YJEFN3: variants seen among roughly 807,000 people sequenced by gnomAD.
YJEFN3 encodes YjeF N-terminal domain containing 3, also known as yjeF N-terminal domain-containing protein 3.
In YJEFN3, 29 loss-of-function variants were observed where a neutral mutation model predicts 31.5. That is an observed-to-expected ratio of 0.92 (90% CI 0.69 to 1.26). YJEFN3 has a LOEUF of 1.26. Among genes scored for constraint, YJEFN3 ranks in the 50% most tolerant of loss-of-function variants. The pLI is 0.00. For synonymous variants in YJEFN3, 227 were observed against 196.1 expected (o/e 1.16, Z -1.32); for missense variants, 442 against 425.4 (o/e 1.04, Z -0.34).
In YJEFN3 at chr19:19,535,692, G is replaced by C. The variant is rs1319180345; in HGVS notation, c.694+13G>C. 1.9e-6 allele frequency: 3 copies of C among 1,548,972 alleles called. No homozygotes were observed. The highest frequency in any genetic ancestry group is 2.6e-6 in the Non-Finnish European group (3 of 1,148,472). ...GACATCCCCTCAGGCATGCCAGGCA[G>C]AGGGGGGCACATTGGGGCCTGGGGG... On this transcript the variant is annotated intron_variant, in intron 6 of 6. Coordinates refer to ENST00000514277, the MANE Select transcript of YJEFN3 (RefSeq NM_198537.4).
intron 6 of YJEFN3, chr19:19,536,198 AG>A (rs1176421449): frequency 4.8e-6 from 1 of 209,680 alleles, no homozygotes; most frequent in Non-Finnish European, 9.5e-6. Context: ...GGCTCAGCCT[AG>A]GACAGAGAGG....
At chr19:19,536,052 G>A (rs931406958) in intron 6 of YJEFN3, 4 of 523,832 alleles carry the variant, frequency 7.6e-6, no homozygotes, top group Admixed American at 3.8e-5. Context: ...CTGGCCAGCC[G>A]GACCCTCCGT....
intron 1 of YJEFN3, 136 bp from the exon 2 acceptor site, chr19:19,529,228 C>T: frequency 2.1e-6 from 3 of 1,449,098 alleles, no homozygotes; most frequent in Non-Finnish European, 2.7e-6. Context: ...TGGCATCTTG[C>T]TGGAGACACT....
chr19:19,533,992 C>T (rs2061182883), intron 3 of YJEFN3: 2 of 985,608 alleles, frequency 2.0e-6, no homozygotes. Flanking sequence ...GGGGAGTAAT[C>T]TGCTGTCTGT....
intron 5 of YJEFN3, 26 bp from the exon 6 acceptor site, chr19:19,535,503 A>G (rs1600369379): frequency 6.2e-7 from 1 of 1,609,802 alleles, no homozygotes; most frequent in Non-Finnish European, 8.5e-7. Context: ...GCCCTGGGCC[A>G]CCCTGACCCT....
intron 6 of YJEFN3, chr19:19,536,190 C>A (rs961594185): frequency 3.2e-5 from 8 of 246,378 alleles, no homozygotes; most frequent in Admixed American, 5.1e-5. Context: ...AGGCTGCAGG[C>A]TCAGCCTAGG....
At chr19:19,533,503 C>A in intron 3 of YJEFN3, 1 of 842,270 alleles carries the variant, frequency 1.2e-6, no homozygotes, top group Non-Finnish European at 1.4e-6. Flanking sequence ...TCTCTCCCTC[C>A]TCCTCCCCTT....
intron 6 of YJEFN3, 118 bp downstream of exon 6, chr19:19,535,797 C>T: frequency 3.0e-6 from 4 of 1,323,318 alleles, no homozygotes; most frequent in Non-Finnish European, 4.2e-6. Context: ...TTGGATGGAC[C>T]CACACTTGGC....
At chr19:19,535,704 T>C (rs1343371841) in intron 6 of YJEFN3, 25 bp downstream of exon 6, 3 of 1,544,836 alleles carry the variant, frequency 1.9e-6, no homozygotes, top group South Asian at 1.2e-5. Flanking sequence ...GGGGGGCACA[T>C]TGGGGCCTGG....
chr19:19,537,393 A>T lies in YJEFN3; in HGVS notation c.769A>T (p.Lys257Ter). The T allele has an allele frequency of 1.3e-6, 2 of 1,592,800 alleles. No homozygotes were observed. The highest frequency in any genetic ancestry group is 4.5e-5 in the East Asian group (2 of 44,380). ...PDVLVSLAAP[K>*]RCAGRFSGRH... Reference sequence around the variant, plus strand: ...CGTGCTGGTGTCTCTCGCGGCGCCCAAGCGCTGCGCTGGCCGCTTCTCCGG... The same window carrying T: ...CGTGCTGGTGTCTCTCGCGGCGCCCTAGCGCTGCGCTGGCCGCTTCTCCGG... Residue 257 changes from lysine (K) to a stop codon, truncating the protein, a stop_gained, in exon 7 of 7, where the codon AAG (lysine) becomes TAG (stop). Transcript: ENST00000514277. LOFTEE classifies it high-confidence loss of function.
chr19:19,532,123 C>G lies in YJEFN3; in HGVS notation c.210-509C>G, dbSNP rs746621142. ...ATAGCCCCAGGCCCCAAGGCCTCCC[C>G]GCTGAGTGTGCCATCAAACACTGCA... On this transcript the variant is annotated intron_variant, in intron 2 of 6. Coordinates refer to ENST00000514277, the MANE Select transcript of YJEFN3 (RefSeq NM_198537.4). 3.9e-5 allele frequency among the ~76,000 whole-genome samples: 6 copies of G among 152,336 alleles called. No individual in the cohort carries two copies. In the East Asian group the frequency reaches 1.2e-3, roughly 29 times the overall value.
At position 19,529,432 on chromosome 19, in the gene YJEFN3, C is replaced by T. The variant is rs915832254; in HGVS notation, c.128C>T (p.Ser43Phe). The T allele has an allele frequency of 6.2e-7, 1 of 1,614,086 alleles. No homozygotes were observed. The highest frequency in any genetic ancestry group is 8.5e-7 in the Non-Finnish European group (1 of 1,180,036). ...GAGCTTAGCTCAAATGCTACCACCT[C>T]CCTTGTCCAGAGGAGGAAACAGGCC... ...RAELSSNATT[S>F]LVQRRKQAWG... Residue 43 changes from serine to phenylalanine, a missense_variant, in exon 2 of 7, where the codon TCC becomes TTC. Coordinates refer to ENST00000514277, the MANE Select transcript of YJEFN3 (RefSeq NM_198537.4).
intron 3 of YJEFN3, chr19:19,533,917 T>G: frequency 2.0e-6 from 2 of 985,542 alleles, no homozygotes; most frequent in Non-Finnish European, 2.4e-6. Context: ...CCGGTGTGGC[T>G]GGGATCGCAG....
chr19:19,535,180 C>G (rs1277026652), intron 4 of YJEFN3, 36 bp downstream of exon 4: 1 of 1,560,648 alleles, frequency 6.4e-7, no homozygotes, highest in Admixed American at 1.8e-5. Flanking sequence ...TCCCAAAGTC[C>G]CTGCCCCTGC....
Position 19,537,554 on chromosome 19 carries a change from C to G in YJEFN3, c.*30C>G. On this transcript the variant is annotated 3_prime_UTR_variant, in exon 7 of 7. Coordinates refer to ENST00000514277, the MANE Select transcript of YJEFN3 (RefSeq NM_198537.4). ...CACCCGCGGCCACACCGCAGGGACC[C>G]TCGCCAATAAACAGCCCTCCCACCA... 6.6e-7 allele frequency: 1 copy of G among 1,505,476 alleles called. No individual in the cohort carries two copies. The highest frequency in any genetic ancestry group is 1.4e-5 in the African/African-American group (1 of 72,596). The allele number at this position is 1,505,476 out of a possible 1,614,324, so 93.3% of individuals were successfully genotyped here.
At chr19:19,536,360 T>C (rs1168881098) in intron 6 of YJEFN3, among the ~76,000 whole-genome samples, 1 of 152,078 alleles carries the variant, frequency 6.6e-6, no homozygotes, top group Non-Finnish European at 1.5e-5. Context: ...AAGGCAAGGC[T>C]CCTAGGCTGA....
Position 19,537,383 on chromosome 19 carries a change from C to G in YJEFN3, c.759C>G (p.Leu253=), listed in dbSNP as rs1317350719. 6.3e-7 allele frequency: 1 copy of G among 1,594,520 alleles called. No homozygotes were observed. The highest frequency in any genetic ancestry group is 1.3e-5 in the African/African-American group (1 of 74,898). ...TGCGGCCTGACGTGCTGGTGTCTCT[C>G]GCGGCGCCCAAGCGCTGCGCTGGCC... ...DGLRPDVLVS[L]AAPKRCAGRF... The change falls in exon 7 of 7, where the codon CTC becomes CTG. Residue 253 remains leucine, a synonymous_variant. Coordinates refer to ENST00000514277, the MANE Select transcript of YJEFN3 (RefSeq NM_198537.4).
intron 1 of YJEFN3, 125 bp downstream of exon 1, chr19:19,529,116 C>T: frequency 6.7e-7 from 1 of 1,482,206 alleles, no homozygotes. Context: ...ACGGGCACAG[C>T]CGGGATGGAG....
chr19:19,529,274 C>A, intron 1 of YJEFN3, 90 bp from the exon 2 acceptor site: 1 of 1,485,600 alleles, frequency 6.7e-7, no homozygotes, highest in Non-Finnish European at 8.9e-7. Flanking sequence ...TCCGGGGCAG[C>A]CCGCCCCTCA....
Sources: gnomAD v4.1 joint callset for allele counts (sites outside exome capture counted in the v4.1 genomes callset) on GRCh38, gnomAD v4.1.1 for gene constraint, MANE v1.5 for transcripts, NCBI Gene and HGNC (gene_info 2026-07-23, HGNC 2026-07-21) for gene names.